ZNF420: variants seen among roughly 807,000 people sequenced by gnomAD.
ZNF420 encodes the protein ATM and p53-associated KZNF protein.
In ZNF420, 31 loss-of-function variants were observed where a neutral mutation model predicts 44.7. The ratio of observed to expected loss-of-function variants is 0.69; its 90% confidence interval spans 0.52 to 0.94. ZNF420 has a LOEUF of 0.94. ZNF420 is among the 40% of genes least tolerant of loss of function. The pLI is 0.00. For synonymous variants in ZNF420, 245 were observed against 267.4 expected (o/e 0.92, Z 0.82); for missense variants, 681 against 827.9 (o/e 0.82, Z 2.18).
At chr19:37,022,467 T>C (rs2074656869) in intron 1 of ZNF420, among the ~76,000 whole-genome samples, 2 of 152,202 alleles carry the variant, frequency 1.3e-5, no homozygotes, top group Non-Finnish European at 1.5e-5. Context: ...GACCCTCTCA[T>C]GGTTTTTACT....
intron 1 of ZNF420, among the ~76,000 whole-genome samples, chr19:37,031,528 C>T (rs572414613): frequency 4.0e-5 from 6 of 151,852 alleles, no homozygotes; most frequent in South Asian, 2.1e-4. Flanking sequence ...TTTTTGGACA[C>T]GGAGTCTCGC....
rs372492098 is a variant in ZNF420 at position 37,127,981 on chromosome 19, T to C, written c.990T>C (p.Asn330=). ...SQLSQHQKIH[N]GEKPYECKEC... is the part of the protein sequence containing the mutation. ...TTTCTCAACATCAGAAAATTCATAA[T>C]GGGGAAAAACCATATGAATGTAAGG... The change falls in exon 5 of 5, where the codon AAT becomes AAC. Residue 330 remains asparagine (N), a synonymous_variant. Coordinates refer to ENST00000337995, the MANE Select transcript of ZNF420 (RefSeq NM_144689.5). 20 of 1,613,752 alleles carry C rather than the reference T, an allele frequency of 1.2e-5. No homozygotes were observed. The highest frequency in any genetic ancestry group is 1.6e-5 in the Non-Finnish European group (19 of 1,179,936).
intron 1 of ZNF420, among the ~76,000 whole-genome samples, chr19:37,014,645 C>T (rs1313309912): frequency 6.6e-6 from 1 of 152,228 alleles, no homozygotes; most frequent in African/African-American, 2.4e-5. Context: ...CCTGACATTG[C>T]AGCGCGCGCG....
rs79380206 is a variant in ZNF420, at chr19:37,015,909, T to C, written c.-125+7827T>C. ...CTGGCCTCTTCTCTGTCCTCTCTTT[T>C]CCTGCCTTCCATGTTTCTCATGGGC... On this transcript the variant is annotated intron_variant, in intron 1 of 4. Coordinates refer to the ZNF420 transcript ENST00000587029. 3.7e-3 allele frequency among the ~76,000 whole-genome samples: 563 copies of C among 152,362 alleles called. 5 individuals carry two copies. The East Asian group carries it at 0.043, about 12-fold the overall frequency.
intron 4 of ZNF420, among the ~76,000 whole-genome samples, chr19:37,124,554 C>G (rs1971238400): frequency 1.3e-5 from 2 of 152,198 alleles, no homozygotes; most frequent in South Asian, 4.1e-4. Context: ...GTTTTGCACT[C>G]TCAGCAACAG....
chr19:37,085,487 C>T (rs56080874), intron 2 of ZNF420, among the ~76,000 whole-genome samples: 36,052 of 152,080 alleles, frequency 0.24, 4,982 homozygotes, highest in Non-Finnish European at 0.32. Context: ...GGTGGCCTCC[C>T]CGCAGCAGAC....
intron 1 of ZNF420, among the ~76,000 whole-genome samples, chr19:37,020,216 CAAAAAAAAAAA>C (rs376616699): frequency 2.0e-5 from 2 of 99,894 alleles, no homozygotes; most frequent in Non-Finnish European, 4.2e-5. Context: ...GACTCCGTCT[CAAAAAAAAAAA>C]AAAAAAAAAA....
At position 37,087,300 on chromosome 19, in the gene ZNF420, AAT is replaced by A. The variant is rs1568446954; in HGVS notation, c.-80-1737_-80-1736del. 8.1e-3 allele frequency among the ~76,000 whole-genome samples: 1,028 copies of A among 126,870 alleles called. 15 individuals carry two copies. Among genetic ancestry groups the A allele is most frequent in the African/African-American group, 0.025 (737 of 28,996 alleles). 83.2% of individuals were successfully genotyped at this position (126,870 alleles called of 152,430 possible). ...CCTGTCTCAAAAAAAAAAATAAATA[AAT>A]AAATAAATAAATAAATAAATAAATA... On this transcript the variant is annotated intron_variant, in intron 2 of 4. Coordinates refer to ENST00000337995, the MANE Select transcript of ZNF420 (RefSeq NM_144689.5).
intron 1 of ZNF420, among the ~76,000 whole-genome samples, chr19:37,008,628 A>C (rs1054643248): frequency 6.6e-6 from 1 of 152,230 alleles, no homozygotes; most frequent in Non-Finnish European, 1.5e-5. Context: ...ACCACGACAC[A>C]GGCTTAAAGA....
In ZNF420 at chr19:37,127,621, T is replaced by C; in HGVS notation, c.630T>C (p.Leu210=). 6.2e-7 allele frequency: 1 copy of C among 1,613,870 alleles called. No individual in the cohort carries two copies. The highest frequency in any genetic ancestry group is 2.2e-5 in the East Asian group (1 of 44,852). ...AGGCCTTTACTCAAAGCTCACAACT[T>C]ATTTTACATCATAGAATTCATACTG... ...CGKAFTQSSQ[L]ILHHRIHTGE... Residue 210 remains leucine, a synonymous_variant, in exon 5 of 5, where the codon CTT becomes CTC. Coordinates refer to ENST00000337995, the MANE Select transcript of ZNF420 (RefSeq NM_144689.5).
chr19:37,051,656 TTTTCAAAAAACCAGCTACTGAATTCATTG>T (rs1315753135), intron 1 of ZNF420, among the ~76,000 whole-genome samples: 126 of 152,264 alleles, frequency 8.3e-4, no homozygotes, highest in Middle Eastern at 6.8e-3. Flanking sequence ...TTTGTTGATC[TTTTCAAAAAACCAGCTACTGAATTCATTG>T]ATTTTTTGAA....
At chr19:37,053,982 C>G (rs777035087) in intron 1 of ZNF420, among the ~76,000 whole-genome samples, 1 of 152,204 alleles carries the variant, frequency 6.6e-6, no homozygotes, top group African/African-American at 2.4e-5. Context: ...GGCAGCAGGC[C>G]TCCCTGAGCT....
intron 1 of ZNF420, among the ~76,000 whole-genome samples, chr19:37,052,264 T>A (rs1448972871): frequency 2.0e-5 from 3 of 152,118 alleles, no homozygotes; most frequent in Non-Finnish European, 4.4e-5. Context: ...TCTCTGCACG[T>A]GAGATGGGTT....
chr19:37,055,197 TAGTA>T (rs1174100397), intron 1 of ZNF420, among the ~76,000 whole-genome samples: 5 of 152,074 alleles, frequency 3.3e-5, no homozygotes, highest in Admixed American at 6.5e-5. Flanking sequence ...CGAGGCAACA[TAGTA>T]AGTCCCCATT....
intron 1 of ZNF420, among the ~76,000 whole-genome samples, chr19:37,016,135 C>T (rs796658249): frequency 4.6e-4 from 70 of 152,338 alleles, no homozygotes; most frequent in African/African-American, 1.3e-3. Flanking sequence ...CCTCCTATTC[C>T]GTCAGATGAC....
intron 4 of ZNF420, among the ~76,000 whole-genome samples, chr19:37,113,151 T>A (rs1235483659): frequency 2.0e-5 from 3 of 152,238 alleles, no homozygotes; most frequent in Non-Finnish European, 4.4e-5. Flanking sequence ...TGGTTGCCCA[T>A]TTTTATCAAA....
In ZNF420 at chr19:37,128,763, A is replaced by C; in HGVS notation, c.1772A>C (p.Glu591Ala). 6.2e-7 allele frequency: 1 copy of C among 1,613,924 alleles called. No individual in the cohort carries two copies. Among genetic ancestry groups the C allele is most frequent in the South Asian group, 1.1e-5 (1 of 91,064 alleles). ...HTGEKPYECK[E>A]CGKAFSHGSQ... ...GGAGAAAAACCCTATGAATGCAAGG[A>C]GTGTGGCAAGGCCTTTAGTCATGGC... Residue 591 changes from glutamate (E) to alanine (A), a missense_variant, in exon 5 of 5, where the codon GAG becomes GCG. By Grantham distance (107) the Glu-to-Ala change is moderately radical. Coordinates refer to ENST00000337995, the MANE Select transcript of ZNF420 (RefSeq NM_144689.5).
In ZNF420 at chr19:37,127,380, C is replaced by T. The variant is rs1329126856; in HGVS notation, c.389C>T (p.Ser130Leu). Residue 130 changes from serine to leucine, a missense_variant, in exon 5 of 5, where the codon TCA becomes TTA. Transcript: ENST00000337995. ...FNQHTYLSQH[S>L]RCHSTEKPYK... is the part of the protein sequence containing the mutation. ...CAGCATACTTACTTATCTCAACATT[C>T]AAGATGTCATTCTACTGAGAAACCC... 2 of 1,613,500 alleles carry T rather than the reference C, an allele frequency of 1.2e-6. No homozygotes were observed. Among genetic ancestry groups the T allele is most frequent in the Admixed American group, 1.7e-5 (1 of 59,980 alleles).
intron 1 of ZNF420, among the ~76,000 whole-genome samples, chr19:37,011,845 T>A (rs1295721374): frequency 6.6e-6 from 1 of 152,192 alleles, no homozygotes; most frequent in Non-Finnish European, 1.5e-5. Context: ...TCGCCCCTGT[T>A]CCTGTTTGCA....
Sources: allele counts gnomAD v4.1 joint callset (sites outside exome capture counted in the v4.1 genomes callset), GRCh38; gene constraint gnomAD v4.1.1; transcripts MANE v1.5; gene names NCBI Gene and HGNC (gene_info 2026-07-23, HGNC 2026-07-21).